PRXL2C: variants seen among roughly 807,000 people sequenced by gnomAD.
PRXL2C encodes peroxiredoxin like 2C, also known as peroxiredoxin-like 2C.
Under a neutral mutation model 24.9 loss-of-function variants are expected in PRXL2C, and 38 were observed. The observed-to-expected ratio is 1.53, with a 90% confidence interval of 1.18 to 2.00. PRXL2C has a LOEUF of 2.00. Ranked by LOEUF, PRXL2C falls within the 30% of genes most tolerant of loss-of-function variation. PRXL2C has a pLI of 0.00. For synonymous variants in PRXL2C, 98 were observed against 117.2 expected (o/e 0.84, Z 1.06); for missense variants, 294 against 290.9 (o/e 1.01, Z -0.08).
intron 4 of PRXL2C, among the ~76,000 whole-genome samples, chr9:96,647,123 C>T (rs1210111622): frequency 6.6e-6 from 1 of 152,146 alleles, no homozygotes; most frequent in African/African-American, 2.4e-5. Flanking sequence ...AAGAAATAAC[C>T]TCCTACCATG....
chr9:96,644,957 A>G (rs1366559749), intron 5 of PRXL2C, among the ~76,000 whole-genome samples: 1 of 112,564 alleles, frequency 8.9e-6, no homozygotes, highest in Non-Finnish European at 1.6e-5. Context: ...GGAGGGCTGG[A>G]GTTCAGTGGT....
At chr9:96,647,450 T>C (rs1235569902) in intron 4 of PRXL2C, among the ~76,000 whole-genome samples, 1 of 152,262 alleles carries the variant, frequency 6.6e-6, no homozygotes, top group Non-Finnish European at 1.5e-5. Flanking sequence ...CATGTTTACA[T>C]TATAATGAGC....
intron 2 of PRXL2C, among the ~76,000 whole-genome samples, chr9:96,653,397 C>T (rs1281245622): frequency 2.0e-5 from 3 of 151,734 alleles, no homozygotes; most frequent in African/African-American, 7.3e-5. Flanking sequence ...CCTATGGAAA[C>T]GAAAAAAGTA....
In PRXL2C at chr9:96,650,297, G is replaced by A. The variant is rs538473215; in HGVS notation, c.421+1093C>T. On this transcript the variant is annotated intron_variant, in intron 4 of 5. Transcript: ENST00000375234. ...CACAGTGGGTATCAAACAAGAGGTCGATAATATTTATTCAAAATTATTGAT... is the reference window on the plus strand; with the variant it reads ...CACAGTGGGTATCAAACAAGAGGTCAATAATATTTATTCAAAATTATTGAT... 1.6e-4 allele frequency among the ~76,000 whole-genome samples: 24 copies of A among 152,246 alleles called. No homozygotes were observed. The South Asian group carries it at 1.7e-3, about 11-fold the overall frequency.
At chr9:96,651,766 TACA>T (rs1309100624) in intron 2 of PRXL2C, 54 bp from the exon 3 acceptor site, 10 of 1,470,622 alleles carry the variant, frequency 6.8e-6, no homozygotes, top group African/African-American at 1.4e-5. Flanking sequence ...GCATGTTTTA[TACA>T]ACATCCCTTA....
At chr9:96,643,807 A>G (rs1848152263) in intron 5 of PRXL2C, among the ~76,000 whole-genome samples, 1 of 152,110 alleles carries the variant, frequency 6.6e-6, no homozygotes, top group South Asian at 2.1e-4. Flanking sequence ...AAAGCCCAAA[A>G]ATCATATTAC....
In PRXL2C at chr9:96,644,877, G is replaced by T. The variant is rs1290489083; in HGVS notation, c.553+1016C>A. Among the ~76,000 whole-genome samples the T allele has an allele frequency of 2.7e-4, 27 of 100,614 alleles. 1 individual carries two copies. The highest frequency in any genetic ancestry group is 8.4e-4 in the African/African-American group (24 of 28,542). The allele number at this position is 100,614 out of a possible 152,430, so 66.0% of individuals were successfully genotyped here. A position where few individuals can be genotyped will look rare whatever the true frequency, so the allele number is the denominator to read the frequency against. On this transcript the variant is annotated intron_variant, in intron 5 of 5. Transcript: ENST00000375234. ...TTTGTTAGGTATAAATAACTACATG[G>T]ATTCTTTTTTTTTTTTTTTTTTTTT...
chr9:96,650,133 C>T (rs1158905328), intron 4 of PRXL2C, among the ~76,000 whole-genome samples: 1 of 152,170 alleles, frequency 6.6e-6, no homozygotes, highest in African/African-American at 2.4e-5. Flanking sequence ...AAAGGTATTT[C>T]TAGTCAGGAA....
chr9:96,645,892 C>T lies in PRXL2C; in HGVS notation c.553+1G>A. 2 of 1,608,416 alleles carry T rather than the reference C, an allele frequency of 1.2e-6. No homozygotes were observed. The highest frequency in any genetic ancestry group is 8.5e-7 in the Non-Finnish European group (1 of 1,178,412). On this transcript the variant is annotated splice_donor_variant, in intron 5 of 5. Coordinates refer to ENST00000375234, the MANE Select transcript of PRXL2C (RefSeq NM_153698.2). LOFTEE classifies it high-confidence loss of function. ...TGCTGAACCTGGGCTTTGATGCTTA[C>T]CTGGACCTAAAATGAGGGTTCCACC... is the stretch of plus-strand genomic sequence containing the variant.
At chr9:96,654,798 G>T (rs1848328110) in intron 1 of PRXL2C, 25 bp from the exon 2 acceptor site, 2 of 1,550,996 alleles carry the variant, frequency 1.3e-6, no homozygotes, top group African/African-American at 2.7e-5. Context: ...GGCAGAAAGG[G>T]CAAGTTAGTA....
intron 2 of PRXL2C, 42 bp downstream of exon 2, chr9:96,654,663 C>A: frequency 3.2e-6 from 5 of 1,541,390 alleles, no homozygotes; most frequent in Non-Finnish European, 3.5e-6. Context: ...CTCGCAAGGT[C>A]TGCAGAAGCG....
intron 2 of PRXL2C, among the ~76,000 whole-genome samples, chr9:96,652,902 C>A (rs1848288338): frequency 6.6e-6 from 1 of 152,170 alleles, no homozygotes; most frequent in Admixed American, 6.5e-5. Flanking sequence ...ATAGAAGCAA[C>A]CTCAGTGTTC....
At chr9:96,644,898 T>C (rs1228034798) in intron 5 of PRXL2C, among the ~76,000 whole-genome samples, 24 of 108,110 alleles carry the variant, frequency 2.2e-4, no homozygotes, top group African/African-American at 9.3e-4. Context: ...TTTTTTTTTT[T>C]TTTTTTTTTT....
rs752938237 is a variant in PRXL2C at position 96,646,124 on chromosome 9, A to C, written c.422-100T>G. On this transcript the variant is annotated intron_variant, in intron 4 of 5. Transcript: ENST00000375234. ...AAACATTCTCTTTCTTCCTTTAAAG[A>C]ATGGTTTCTCAATCTTTTACCATCA... 14 of 1,291,696 alleles carry C rather than the reference A, an allele frequency of 1.1e-5. No homozygotes were observed. In the African/African-American group the frequency reaches 2.0e-4, roughly 18 times the overall value. 80.0% of individuals were successfully genotyped at this position (1,291,696 alleles called of 1,614,324 possible).
Position 96,646,001 on chromosome 9 carries a change from T to C in PRXL2C, c.445A>G (p.Asn149Asp), listed in dbSNP as rs764147841. 75 of 1,611,974 alleles carry C rather than the reference T, an allele frequency of 4.7e-5. No homozygotes were observed. Among genetic ancestry groups the C allele is most frequent in the Non-Finnish European group, 5.8e-5 (68 of 1,179,464 alleles). Residue 149 changes from asparagine (N) to aspartate (D), a missense_variant, in exon 5 of 6, where the codon AAT (asparagine) becomes GAT (aspartate). Physicochemically the swap from Asn to Asp is conservative, Grantham distance 23 (BLOSUM62 1). Transcript: ENST00000375234. ...SSGQSPHIKS[N>D]LLSGSLQSLW... ...CTCTGAAGGCTTCCTGAGAGTAGAT[T>C]TGATTTTATGTGGGGGCTCTGTCCT...
Position 96,639,682 on chromosome 9 carries a change from A to T in PRXL2C, c.*2077T>A, listed in dbSNP as rs1588098083. On this transcript the variant is annotated 3_prime_UTR_variant, in exon 6 of 6. Coordinates refer to ENST00000375234, the MANE Select transcript of PRXL2C (RefSeq NM_153698.2). ...TTTTTTTTGTAACTTTATATGCTTCATATAAAAGTACTGAGTTCAAAGCAG... is the reference window on the plus strand; with the variant it reads ...TTTTTTTTGTAACTTTATATGCTTCTTATAAAAGTACTGAGTTCAAAGCAG... 1 of 152,364 alleles carries T rather than the reference A, an allele frequency of 6.6e-6. No homozygotes were observed. The highest frequency in any genetic ancestry group is 2.4e-5 in the African/African-American group (1 of 41,596). 9.4% of individuals were successfully genotyped at this position (152,364 alleles called of 1,614,324 possible).
At chr9:96,649,063 G>A (rs948133137) in intron 4 of PRXL2C, among the ~76,000 whole-genome samples, 1 of 151,796 alleles carries the variant, frequency 6.6e-6, no homozygotes, top group Non-Finnish European at 1.5e-5. Context: ...GTGAGCCACC[G>A]CGCCCAGCCC....
At chr9:96,652,570 C>CA (rs1373733516) in intron 2 of PRXL2C, among the ~76,000 whole-genome samples, 2 of 150,046 alleles carry the variant, frequency 1.3e-5, no homozygotes, top group Non-Finnish European at 3.0e-5. Flanking sequence ...AAAAGATGCT[C>CA]AAAATCACTA....
At chr9:96,652,564 G>C (rs559480227) in intron 2 of PRXL2C, among the ~76,000 whole-genome samples, 7 of 148,146 alleles carry the variant, frequency 4.7e-5, no homozygotes, top group South Asian at 4.3e-4. Context: ...TATATGAAAA[G>C]ATGCTCAAAA....
Sources: gnomAD v4.1 joint callset for allele counts (sites outside exome capture counted in the v4.1 genomes callset) on GRCh38, gnomAD v4.1.1 for gene constraint, MANE v1.5 for transcripts, NCBI Gene and HGNC (gene_info 2026-07-23, HGNC 2026-07-21) for gene names.